The following RRBP1 variants were observed in gnomAD, a reference collection of about 807,000 sequenced individuals.
RRBP1 encodes ribosome binding protein 1.
In RRBP1, 94 loss-of-function variants were observed where a neutral mutation model predicts 165.2. The ratio of observed to expected loss-of-function variants is 0.57; its 90% CI spans 0.48 to 0.68. The LOEUF (loss-of-function observed/expected upper bound fraction) is 0.68, where lower values mean the gene tolerates loss of function less well. Ranked by LOEUF, RRBP1 falls within the 30% of genes least tolerant of loss-of-function variation. The pLI, the probability that RRBP1 is intolerant of heterozygous loss-of-function variation, is 0.00. For missense variants in RRBP1, 1,676 were observed against 1,763.0 expected (o/e 0.95, Z 0.88); for synonymous variants, 680 against 714.5 (o/e 0.95, Z 0.77).
At chr20:17,672,973 G>A (rs1458807388) in intron 2 of RRBP1, among the ~76,000 whole-genome samples, 4 of 152,206 alleles carry the variant, frequency 2.6e-5, no homozygotes, top group Admixed American at 1.3e-4. Context: ...CCCTGCCCAC[G>A]ATGGGCAGCA....
rs143569235 is a variant in RRBP1 at position 17,618,101 on chromosome 20, C to G, written c.3759+495G>C. Among the ~76,000 whole-genome samples, 148 of 152,344 alleles carry G rather than the reference C, an allele frequency of 9.7e-4. 1 individual carries two copies. The highest frequency in any genetic ancestry group is 3.3e-3 in the African/African-American group (138 of 41,586). On this transcript the variant is annotated intron_variant, in intron 20 of 24. Transcript: ENST00000377813. Reference sequence around the variant, plus strand: ...AGCTGGTATGGGGCCGGGCGTGGAGCAGGTCTTCCCTGCATGCCTGTGGCT... The same window carrying G: ...AGCTGGTATGGGGCCGGGCGTGGAGGAGGTCTTCCCTGCATGCCTGTGGCT...
rs750336724 is a variant in RRBP1, at chr20:17,620,275, G to A, written c.3579+24C>T. On this transcript the variant is annotated intron_variant, in intron 18 of 24. Coordinates refer to ENST00000377813, the MANE Select transcript of RRBP1 (RefSeq NM_001365613.2). ...AAAGAGGCTCCCGGGACAAGAGAAA[G>A]AGTTCTCTGAGCAGAGCACATACCT... is the stretch of plus-strand genomic sequence containing the variant. 2.5e-6 allele frequency: 4 copies of A among 1,572,036 alleles called. No individual in the cohort carries two copies. In the Admixed American group the frequency reaches 6.7e-5, roughly 26 times the overall value.
intron 5 of RRBP1, 79 bp from the exon 6 acceptor site, chr20:17,636,808 C>A: frequency 6.4e-7 from 1 of 1,562,634 alleles, no homozygotes; most frequent in South Asian, 1.1e-5. Flanking sequence ...AGAGCATCAC[C>A]CGAGCTGGGA....
intron 3 of RRBP1, among the ~76,000 whole-genome samples, chr20:17,657,902 T>C (rs1472929528): frequency 3.9e-5 from 6 of 152,142 alleles, no homozygotes; most frequent in Non-Finnish European, 1.5e-5. Flanking sequence ...CATCATTCAC[T>C]CAACAAGCAC....
intron 17 of RRBP1, 33 bp from the exon 18 acceptor site, chr20:17,620,403 G>A (rs775176163): frequency 5.6e-5 from 87 of 1,565,848 alleles, no homozygotes; most frequent in Admixed American, 3.0e-4. Context: ...CGTCAGACAC[G>A]AGCACCTGGG....
At chr20:17,665,091 C>T (rs1394679103) in intron 2 of RRBP1, among the ~76,000 whole-genome samples, 1 of 151,186 alleles carries the variant, frequency 6.6e-6, no homozygotes, top group Admixed American at 6.6e-5. Context: ...TATGTATGTG[C>T]CTGTGTATAC....
chr20:17,636,559 G>T lies in RRBP1; in HGVS notation c.2337+18C>A. The T allele has an allele frequency of 6.2e-7, 1 of 1,606,098 alleles. No individual in the cohort carries two copies. ...GGGTCCTGTCCCTTCCCATGCCCCCGCCAGCCACTACACCCACCTTGCCCT... is the reference window on the plus strand; with the variant it reads ...GGGTCCTGTCCCTTCCCATGCCCCCTCCAGCCACTACACCCACCTTGCCCT... On this transcript the variant is annotated intron_variant, in intron 6 of 24. Coordinates refer to ENST00000377813, the MANE Select transcript of RRBP1 (RefSeq NM_001365613.2).
At chr20:17,668,417 G>A (rs988802794) in intron 2 of RRBP1, among the ~76,000 whole-genome samples, 1 of 152,048 alleles carries the variant, frequency 6.6e-6, no homozygotes, top group Non-Finnish European at 1.5e-5. Flanking sequence ...ATATCTTTGT[G>A]GGGCTTTATC....
In RRBP1 at chr20:17,619,553, C is replaced by T. The variant is rs181651276; in HGVS notation, c.3675+80G>A. 1,494 of 1,021,018 alleles carry T rather than the reference C, an allele frequency of 1.5e-3. 3 individuals carry two copies. Among genetic ancestry groups the T allele is most frequent in the South Asian group, 1.8e-3 (111 of 60,340 alleles). The allele number at this position is 1,021,018 out of a possible 1,614,324, so 63.2% of individuals were successfully genotyped here. On this transcript the variant is annotated intron_variant, in intron 19 of 24. Transcript: ENST00000377813. Reference sequence around the variant, plus strand: ...GGCTTATGTCACCGAGAGCTGCTCCCACAGGGCTGAGGAGAAGCAGCTCAG... The same window carrying T: ...GGCTTATGTCACCGAGAGCTGCTCCTACAGGGCTGAGGAGAAGCAGCTCAG...
Position 17,643,163 on chromosome 20 carries a change from C to T in RRBP1, c.1913-36G>A, listed in dbSNP as rs1378279059. 1 of 1,605,168 alleles carries T rather than the reference C, an allele frequency of 6.2e-7. No homozygotes were observed. Among genetic ancestry groups the T allele is most frequent in the Admixed American group, 1.7e-5 (1 of 59,670 alleles). On this transcript the variant is annotated intron_variant, in intron 3 of 24. Coordinates refer to ENST00000377813, the MANE Select transcript of RRBP1 (RefSeq NM_001365613.2). This position sits in a 1 kb window ranked among gnomAD's most constrained non-coding sequence, Gnocchi z 4.3. ...AGAGGGAAAGAGCTGAGACTTAGGC[C>T]CATAAGCCACAACACACGTGGCCAC...
intron 16 of RRBP1, among the ~76,000 whole-genome samples, chr20:17,621,024 G>C (rs556470434): frequency 3.3e-5 from 5 of 152,290 alleles, no homozygotes; most frequent in African/African-American, 1.2e-4. Flanking sequence ...GCAAGGAAAT[G>C]AGGTCTGTGA....
chr20:17,653,526 G>T (rs1333406722), intron 3 of RRBP1, among the ~76,000 whole-genome samples: 2 of 152,240 alleles, frequency 1.3e-5, no homozygotes, highest in African/African-American at 4.8e-5. Flanking sequence ...AATACATACA[G>T]ATCACACGCC....
At position 17,630,065 on chromosome 20, in the gene RRBP1, G is replaced by A. The variant is rs1175279492; in HGVS notation, c.2611-104C>T. On this transcript the variant is annotated intron_variant, in intron 8 of 24. Transcript: ENST00000377813. ...GAGCTCTTTACCCCACCAAAGCCCC[G>A]TGCAGTCTCTGGTCCATGTGGGAAG... The A allele has an allele frequency of 1.2e-5, 15 of 1,292,852 alleles. No individual in the cohort carries two copies. The African/African-American group carries it at 1.3e-4, about 11-fold the overall frequency. The allele number at this position is 1,292,852 out of a possible 1,614,324, so 80.1% of individuals were successfully genotyped here. A position where few individuals can be genotyped will look rare whatever the true frequency, so the allele number is the denominator to read the frequency against.
intron 11 of RRBP1, among the ~76,000 whole-genome samples, chr20:17,626,329 C>T (rs1016861644): frequency 6.6e-6 from 1 of 152,216 alleles, no homozygotes; most frequent in East Asian, 1.9e-4. Flanking sequence ...ACAAACACCA[C>T]CAGGAGAAAC....
rs147496552 is a variant in RRBP1 at position 17,617,629 on chromosome 20, G to A, written c.3760-790C>T. Among the ~76,000 whole-genome samples the A allele has an allele frequency of 1.4e-4, 22 of 152,336 alleles. No individual in the cohort carries two copies. In the East Asian group the frequency reaches 2.7e-3, roughly 19 times the overall value. On this transcript the variant is annotated intron_variant, in intron 20 of 24. Transcript: ENST00000377813. The stretch of plus-strand genomic sequence containing the variant: ...CCCCGGGGCCTGTCACCCAGACTTC[G>A]CTCAGCCAAGGCTTCAGTGAGTGGC...
At chr20:17,668,628 G>A (rs1449235604) in intron 2 of RRBP1, among the ~76,000 whole-genome samples, 2 of 152,184 alleles carry the variant, frequency 1.3e-5, no homozygotes, top group East Asian at 1.9e-4. Flanking sequence ...CTCCCCTTGC[G>A]ACTACTGGGC....
intron 13 of RRBP1, among the ~76,000 whole-genome samples, chr20:17,624,060 G>T (rs892912459): frequency 6.6e-6 from 1 of 152,132 alleles, no homozygotes; most frequent in African/African-American, 2.4e-5. Context: ...GTGCAGCCTC[G>T]GGCTCACTGC....
intron 20 of RRBP1, 50 bp downstream of exon 20, chr20:17,618,546 C>G (rs377290961): frequency 1.5e-6 from 2 of 1,378,402 alleles, no homozygotes; most frequent in African/African-American, 2.9e-5. Context: ...ATCTCACACA[C>G]GCAACGCCCC....
intron 6 of RRBP1, among the ~76,000 whole-genome samples, chr20:17,635,941 C>T (rs752788245): frequency 1.3e-5 from 2 of 152,238 alleles, no homozygotes; most frequent in Non-Finnish European, 2.9e-5. Context: ...GTCTCTGACA[C>T]ACCCCATGAA....
Sources: gnomAD v4.1 joint callset for allele counts (sites outside exome capture counted in the v4.1 genomes callset) on GRCh38, gnomAD v4.1.1 for gene constraint, Gnocchi (gnomAD v3.1) non-coding constraint, MANE v1.5 for transcripts, NCBI Gene and HGNC (gene_info 2026-07-23, HGNC 2026-07-21) for gene names.